Variants in GLIS3 observed in about 807,000 individuals in gnomAD.
The protein encoded by GLIS3 is zinc finger protein GLIS3.
Under a neutral mutation model 78.6 loss-of-function variants are expected in GLIS3, and 53 were observed. The observed-to-expected ratio is 0.67, with a 90% CI of 0.54 to 0.85. The LOEUF (loss-of-function observed/expected upper bound fraction) is 0.85. Among genes scored for constraint, GLIS3 ranks in the 40% least tolerant of loss-of-function variants. The pLI, the probability that GLIS3 is intolerant of heterozygous loss-of-function variation, is 0.00. For missense variants in GLIS3, 1,703 were observed against 1,231.1 expected (o/e 1.38, Z -5.74); for synonymous variants, 684 against 509.9 (o/e 1.34, Z -4.60).
At chr9:4,081,718 C>T (rs1225158731) in intron 4 of GLIS3, among the ~76,000 whole-genome samples, 2 of 152,224 alleles carry the variant, frequency 1.3e-5, no homozygotes, top group Non-Finnish European at 2.9e-5. Flanking sequence ...CACTGCCAGA[C>T]TCTGAATCGG....
intron 1 of GLIS3, among the ~76,000 whole-genome samples, chr9:4,292,290 A>T (rs1046116222): frequency 6.6e-6 from 1 of 152,202 alleles, no homozygotes; most frequent in Admixed American, 6.5e-5. Flanking sequence ...GAGTGCATCA[A>T]ATATATTAAT....
At chr9:3,833,331 A>G (rs1818157367) in intron 9 of GLIS3, among the ~76,000 whole-genome samples, 1 of 152,174 alleles carries the variant, frequency 6.6e-6, no homozygotes, top group African/African-American at 2.4e-5. Context: ...TCTTCCCAGC[A>G]CTATTTTCAC....
the GLIS3 span, among the ~76,000 whole-genome samples, chr9:4,470,432 A>T: frequency 6.6e-6 from 1 of 152,230 alleles, no homozygotes; most frequent in Non-Finnish European, 1.5e-5. Flanking sequence ...CATCCCTAGG[A>T]TGCAAGGCTA....
chr9:4,060,052 G>A (rs1355324343), intron 4 of GLIS3, among the ~76,000 whole-genome samples: 1 of 151,964 alleles, frequency 6.6e-6, no homozygotes, highest in African/African-American at 2.4e-5. Context: ...GGAACCCAAG[G>A]TTCCTGGCCA....
At position 3,879,583 on chromosome 9, in the gene GLIS3, G is replaced by C. The variant is rs139924264; in HGVS notation, c.2141C>G (p.Ser714Cys). 3.0e-5 allele frequency: 48 copies of C among 1,613,914 alleles called. No homozygotes were observed. Among genetic ancestry groups the C allele is most frequent in the Non-Finnish European group, 3.9e-5 (46 of 1,179,992 alleles). Residue 714 changes from serine (S) to cysteine (C), a missense_variant, in exon 8 of 11, where the codon TCC becomes TGC. Physicochemically the swap from Ser to Cys is moderately radical, Grantham distance 112. Transcript: ENST00000381971. Reference protein sequence around the residue: ...GPDLYSAPIFSSNYSSRSGTA... With the variant: ...GPDLYSAPIFCSNYSSRSGTA... ...TCCACTTCGGCTTGAATAATTGCTG[G>C]AGAAAATGGGAGCTGAAATCAAGGG...
chr9:4,067,773 A>T (rs1015470033), intron 4 of GLIS3, among the ~76,000 whole-genome samples: 8 of 147,180 alleles, frequency 5.4e-5, no homozygotes, highest in African/African-American at 2.0e-4. Flanking sequence ...ATAATATCTC[A>T]TTTCAAGAAA....
intron 4 of GLIS3, among the ~76,000 whole-genome samples, chr9:4,064,211 C>A (rs916277466): frequency 6.6e-6 from 1 of 151,828 alleles, no homozygotes; most frequent in South Asian, 2.1e-4. Flanking sequence ...TAGATTCATA[C>A]CTTGTATTAT....
intron 2 of GLIS3, among the ~76,000 whole-genome samples, chr9:4,330,601 TGAG>T (rs1007973527): frequency 7.2e-6 from 1 of 139,718 alleles, no homozygotes; most frequent in African/African-American, 2.8e-5. Context: ...TGGATGGAGA[TGAG>T]GAGAGGTGGA....
At chr9:4,437,768 A>G in the GLIS3 span, among the ~76,000 whole-genome samples, 1 of 152,234 alleles carries the variant, frequency 6.6e-6, no homozygotes, top group Non-Finnish European at 1.5e-5. Flanking sequence ...TCCTCAGCCT[A>G]CTTGTTGTGA....
intron 4 of GLIS3, among the ~76,000 whole-genome samples, chr9:4,012,650 G>C (rs555153247): frequency 6.6e-6 from 1 of 151,884 alleles, no homozygotes; most frequent in African/African-American, 2.4e-5. Flanking sequence ...TCTTTTATGA[G>C]CTGCCAGGAA....
At chr9:4,163,474 G>A (rs934669478) in intron 2 of GLIS3, among the ~76,000 whole-genome samples, 16 of 152,210 alleles carry the variant, frequency 1.1e-4, no homozygotes, top group African/African-American at 3.1e-4. Flanking sequence ...AAACTGAGAC[G>A]AAGTCCTCAC....
intron 4 of GLIS3, among the ~76,000 whole-genome samples, chr9:4,082,840 C>G (rs1003375763): frequency 6.6e-6 from 1 of 152,200 alleles, no homozygotes; most frequent in South Asian, 2.1e-4. Context: ...ACTTTCGAAA[C>G]AGACTTAAGA....
intron 4 of GLIS3, among the ~76,000 whole-genome samples, chr9:4,061,321 T>A (rs1826639982): frequency 1.4e-5 from 2 of 145,172 alleles, no homozygotes; most frequent in Non-Finnish European, 3.1e-5. Flanking sequence ...CGGTGTTTGG[T>A]TTTTTGTCCT....
chr9:4,161,979 C>A (rs913053367), intron 2 of GLIS3, among the ~76,000 whole-genome samples: 7 of 152,076 alleles, frequency 4.6e-5, no homozygotes, highest in Non-Finnish European at 1.0e-4. Flanking sequence ...AGCCACTGCA[C>A]CCAGGCTGAG....
At chr9:3,987,782 A>C (rs1407130748) in intron 4 of GLIS3, among the ~76,000 whole-genome samples, 4 of 146,442 alleles carry the variant, frequency 2.7e-5, no homozygotes, top group Non-Finnish European at 4.5e-5. Context: ...AAAAAAAAAA[A>C]AAAAAACAAA....
At chr9:4,385,799 AAG>A in the GLIS3 span, among the ~76,000 whole-genome samples, 2 of 85,016 alleles carry the variant, frequency 2.4e-5, 1 homozygote, top group Non-Finnish European at 4.5e-5. Context: ...GAAAGAAAGA[AAG>A]AAAGAAAGAA....
chr9:4,093,791 A>T (rs112746616), intron 4 of GLIS3, among the ~76,000 whole-genome samples: 1 of 152,112 alleles, frequency 6.6e-6, no homozygotes, highest in African/African-American at 2.4e-5. Context: ...CTATATATAT[A>T]TTTTTAAATT....
intron 2 of GLIS3, among the ~76,000 whole-genome samples, chr9:4,320,780 C>G (rs1817511847): frequency 6.6e-6 from 1 of 152,154 alleles, no homozygotes; most frequent in Non-Finnish European, 1.5e-5. Flanking sequence ...GCACCATCAC[C>G]ACACTATTCC....
chr9:4,469,705 C>A, the GLIS3 span, among the ~76,000 whole-genome samples: 1 of 152,128 alleles, frequency 6.6e-6, no homozygotes, highest in African/African-American at 2.4e-5. Context: ...AATCGACAAC[C>A]TAACATCACA....
Sources: gnomAD v4.1 joint callset for allele counts (sites outside exome capture counted in the v4.1 genomes callset) on GRCh38, gnomAD v4.1.1 for gene constraint, MANE v1.5 for transcripts, NCBI Gene and HGNC (gene_info 2026-07-23, HGNC 2026-07-21) for gene names.